Variants in DLGAP1 observed in about 807,000 individuals in gnomAD.
DLGAP1 encodes the protein DLG associated protein 1.
In DLGAP1, 11 loss-of-function variants were observed where a neutral mutation model predicts 90.8. The ratio of observed to expected loss-of-function variants is 0.12; its 90% CI spans 0.08 to 0.20. The LOEUF is 0.20. Ranked by LOEUF, DLGAP1 falls within the 10% of genes least tolerant of loss-of-function variation. The pLI is 1.00. For missense variants in DLGAP1, 1,050 were observed against 1,333.8 expected, an observed-to-expected ratio of 0.79 and a Z score of 3.31; for synonymous variants, 558 against 540.7, an observed-to-expected ratio of 1.03 and a Z score of -0.44.
At chr18:3,628,811 A>G (rs1001247729) in intron 7 of DLGAP1, among the ~76,000 whole-genome samples, 1 of 152,204 alleles carries the variant, frequency 6.6e-6, no homozygotes, top group Admixed American at 6.5e-5. Flanking sequence ...TTGTAATTAC[A>G]TACAACTTGT....
At chr18:3,686,330 T>C (rs912946105) in intron 7 of DLGAP1, among the ~76,000 whole-genome samples, 1 of 129,176 alleles carries the variant, frequency 7.7e-6, no homozygotes, top group African/African-American at 2.7e-5. Context: ...CCTAACAGAT[T>C]CCTTCAATTA....
At chr18:4,380,173 G>A (rs1194160420) in intron 1 of DLGAP1, among the ~76,000 whole-genome samples, 1 of 152,140 alleles carries the variant, frequency 6.6e-6, no homozygotes, top group Non-Finnish European at 1.5e-5. Context: ...TTTTAATAAT[G>A]AGGAGTAATA....
chr18:4,411,520 A>C (rs1725692733), intron 1 of DLGAP1, among the ~76,000 whole-genome samples: 1 of 152,156 alleles, frequency 6.6e-6, no homozygotes, highest in Admixed American at 6.5e-5. Flanking sequence ...AGAGCGAGTC[A>C]ATTTCTATTT....
rs377159217 is a variant in DLGAP1, at chr18:4,011,568, G to C, written c.-158-6367C>G. On this transcript the variant is annotated intron_variant, in intron 2 of 12. Coordinates refer to ENST00000315677, the MANE Select transcript of DLGAP1 (RefSeq NM_004746.4). ...ATGGTGGCTCATGTCTGTAATCCCA[G>C]CACTTTGGGAGGCTGAGGCAGGAGG... Among the ~76,000 whole-genome samples, 21 of 152,218 alleles carry C rather than the reference G, an allele frequency of 1.4e-4. 1 individual carries two copies. The highest frequency in any genetic ancestry group is 4.1e-4 in the African/African-American group (17 of 41,514).
chr18:3,743,366 T>C (rs938763304), intron 5 of DLGAP1, among the ~76,000 whole-genome samples: 1 of 151,952 alleles, frequency 6.6e-6, no homozygotes, highest in African/African-American at 2.4e-5. Context: ...TTTTTTTTTA[T>C]TTTTTTGAGA....
chr18:3,558,573 A>G (rs1599231115), intron 9 of DLGAP1, among the ~76,000 whole-genome samples: 1 of 152,144 alleles, frequency 6.6e-6, no homozygotes, highest in Non-Finnish European at 1.5e-5. Context: ...AGGTGCATAC[A>G]TGTTAAAGAT....
chr18:4,302,217 T>A (rs556612085), intron 1 of DLGAP1, among the ~76,000 whole-genome samples: 36 of 152,308 alleles, frequency 2.4e-4, no homozygotes, highest in Admixed American at 4.6e-4. Flanking sequence ...AAATCACAGT[T>A]CAGACCAAGG....
At chr18:4,101,573 C>T (rs1213503863) in intron 2 of DLGAP1, among the ~76,000 whole-genome samples, 2 of 152,158 alleles carry the variant, frequency 1.3e-5, no homozygotes, top group South Asian at 4.2e-4. Flanking sequence ...GCAGGGTTGC[C>T]ACAAACCTTC....
intron 4 of DLGAP1, among the ~76,000 whole-genome samples, chr18:3,820,963 A>G (rs989078754): frequency 3.3e-5 from 5 of 152,240 alleles, no homozygotes; most frequent in Non-Finnish European, 7.3e-5. Context: ...AATAGGCATT[A>G]CTATTTCCAT....
chr18:4,122,623 C>T (rs1598437005), intron 2 of DLGAP1, among the ~76,000 whole-genome samples: 1 of 152,120 alleles, frequency 6.6e-6, no homozygotes, highest in South Asian at 2.1e-4. Context: ...AAAAGGCAAG[C>T]CTGCCAGTTA....
chr18:3,950,788 C>A (rs1024882802), intron 3 of DLGAP1, among the ~76,000 whole-genome samples: 3 of 152,150 alleles, frequency 2.0e-5, no homozygotes, highest in African/African-American at 7.2e-5. Context: ...TTTACCAGCC[C>A]TTAGAAGGGA....
At chr18:3,947,468 G>C (rs1320243833) in intron 3 of DLGAP1, among the ~76,000 whole-genome samples, 2 of 152,066 alleles carry the variant, frequency 1.3e-5, no homozygotes, top group African/African-American at 4.8e-5. Context: ...GTTTCACATA[G>C]ACACTGGTCT....
rs538406347 is a variant in DLGAP1, at chr18:4,378,014, T to C, written c.-267+76992A>G. On this transcript the variant is annotated intron_variant, in intron 1 of 12. Coordinates refer to ENST00000315677, the MANE Select transcript of DLGAP1 (RefSeq NM_004746.4). This position sits in a 1 kb window ranked among gnomAD's most constrained non-coding sequence, Gnocchi z 4.5. ...AAATTAAATCCATATTACAGAATGATATGAAATCTATCTATTTTTGTCTAT... is the reference window on the plus strand; with the variant it reads ...AAATTAAATCCATATTACAGAATGACATGAAATCTATCTATTTTTGTCTAT... Among the ~76,000 whole-genome samples the C allele has an allele frequency of 4.0e-5, 6 of 151,088 alleles. No homozygotes were observed. The highest frequency in any genetic ancestry group is 8.9e-5 in the Non-Finnish European group (6 of 67,764).
At chr18:3,516,251 A>T (rs964868332) in intron 10 of DLGAP1, among the ~76,000 whole-genome samples, 9 of 151,344 alleles carry the variant, frequency 5.9e-5, no homozygotes, top group Admixed American at 3.9e-4. Context: ...ATTTTTTCAA[A>T]TTTTTTTGGG....
At chr18:4,245,902 T>TTGGGGACAGGGCCCC (rs1568469294) in intron 1 of DLGAP1, among the ~76,000 whole-genome samples, 1 of 152,238 alleles carries the variant, frequency 6.6e-6, no homozygotes, top group Non-Finnish European at 1.5e-5. Context: ...CCGACTCATC[T>TTGGGGACAGGGCCCC]GTTTTGCCTG....
At chr18:4,000,462 C>T (rs1431396796) in intron 3 of DLGAP1, among the ~76,000 whole-genome samples, 2 of 152,148 alleles carry the variant, frequency 1.3e-5, no homozygotes, top group Non-Finnish European at 2.9e-5. Context: ...ATTTTGTACT[C>T]TCTCCCTCGT....
At chr18:3,713,061 G>A (rs144578962) in intron 7 of DLGAP1, among the ~76,000 whole-genome samples, 1 of 152,222 alleles carries the variant, frequency 6.6e-6, no homozygotes, top group East Asian at 1.9e-4. Flanking sequence ...ACCCTGCCTT[G>A]GTGCAAAAAC....
intron 2 of DLGAP1, among the ~76,000 whole-genome samples, chr18:4,040,604 C>A (rs1412087293): frequency 2.0e-5 from 3 of 152,118 alleles, no homozygotes. Flanking sequence ...CCCTGTCACA[C>A]AAATCTTGAC....
chr18:3,982,780 G>A (rs887021791), intron 3 of DLGAP1, among the ~76,000 whole-genome samples: 6 of 152,126 alleles, frequency 3.9e-5, no homozygotes, highest in Admixed American at 1.3e-4. Context: ...ACCGTGAGTC[G>A]CAGACTTAGG....
Sources: gnomAD v4.1 joint callset for allele counts (sites outside exome capture counted in the v4.1 genomes callset) on GRCh38, gnomAD v4.1.1 for gene constraint, Gnocchi (gnomAD v3.1) non-coding constraint, MANE v1.5 for transcripts, NCBI Gene and HGNC (gene_info 2026-07-23, HGNC 2026-07-21) for gene names.